Variants in KLHDC4 observed in about 807,000 individuals in gnomAD.
The protein encoded by KLHDC4 is kelch domain containing 4.
Under a neutral mutation model 62.4 loss-of-function variants are expected in KLHDC4, and 90 were observed. That is an observed-to-expected ratio of 1.44 (90% CI 1.22 to 1.72). The LOEUF is 1.72. Among genes scored for constraint, KLHDC4 ranks in the 40% most tolerant of loss-of-function variants. The pLI is 0.00. For missense variants in KLHDC4, 1,025 were observed against 699.7 expected (o/e 1.47, Z -5.25); for synonymous variants, 386 against 284.4 (o/e 1.36, Z -3.59).
intron 7 of KLHDC4, among the ~76,000 whole-genome samples, chr16:87,720,076 A>G (rs1209044552): frequency 6.6e-6 from 1 of 152,150 alleles, no homozygotes; most frequent in Non-Finnish European, 1.5e-5. Flanking sequence ...GCTTTGGCTC[A>G]CCCGGCTGTC....
chr16:87,752,224 T>A (rs949288033), intron 4 of KLHDC4, among the ~76,000 whole-genome samples: 2 of 142,330 alleles, frequency 1.4e-5, no homozygotes, highest in Non-Finnish European at 3.0e-5. Context: ...CTGGGCAATA[T>A]AGCGAGACCC....
chr16:87,715,842 G>A (rs1054898204), intron 7 of KLHDC4, among the ~76,000 whole-genome samples: 1 of 152,176 alleles, frequency 6.6e-6, no homozygotes, highest in African/African-American at 2.4e-5. Flanking sequence ...CTTCGGCCAC[G>A]CTACTGTGGT....
intron 2 of KLHDC4, among the ~76,000 whole-genome samples, chr16:87,760,649 T>G (rs547842107): frequency 1.4e-5 from 2 of 143,416 alleles, no homozygotes; most frequent in Non-Finnish European, 3.0e-5. Flanking sequence ...AAAATAAAAC[T>G]AATCCCCATT....
Position 87,713,867 on chromosome 16 carries a change from C to T in KLHDC4, c.835+631G>A, listed in dbSNP as rs192835670. Among the ~76,000 whole-genome samples, 58 of 152,232 alleles carry T rather than the reference C, an allele frequency of 3.8e-4. No homozygotes were observed. The East Asian group carries it at 0.01, about 26-fold the overall frequency. ...GTAAGAAAATTTTGATTCTTAGATC[C>T]CAGTTTAGCTAAAAGCTTTTAGAAA... On this transcript the variant is annotated intron_variant, in intron 8 of 11. Transcript: ENST00000270583.
intron 5 of KLHDC4, among the ~76,000 whole-genome samples, chr16:87,747,861 G>A (rs770312583): frequency 2.0e-5 from 3 of 152,234 alleles, no homozygotes; most frequent in Admixed American, 1.3e-4. Context: ...CCCTCCGGCT[G>A]AAGCCCCAGG....
intron 8 of KLHDC4, among the ~76,000 whole-genome samples, chr16:87,712,288 A>C (rs1025328879): frequency 6.6e-6 from 1 of 152,050 alleles, no homozygotes; most frequent in African/African-American, 2.4e-5. Context: ...TAAAAAAAAA[A>C]ACAGAAGCAG....
intron 8 of KLHDC4, among the ~76,000 whole-genome samples, chr16:87,712,392 T>C (rs3794671): frequency 0.12 from 18,978 of 152,138 alleles, 1,408 homozygotes; most frequent in South Asian, 0.22. Flanking sequence ...CACCAGCACA[T>C]GACTGTGTGA....
intron 7 of KLHDC4, among the ~76,000 whole-genome samples, chr16:87,716,669 A>G (rs1325184085): frequency 6.6e-6 from 1 of 152,096 alleles, no homozygotes; most frequent in African/African-American, 2.4e-5. Flanking sequence ...GGTGGCTTAC[A>G]CCTGTAATCC....
intron 1 of KLHDC4, among the ~76,000 whole-genome samples, chr16:87,764,646 C>CCAAAAAAAAAAA (rs2046347584): frequency 3.0e-5 from 1 of 33,818 alleles, no homozygotes; most frequent in Non-Finnish European, 5.3e-5. Flanking sequence ...GAAACTCCTT[C>CCAAAAAAAAAAA]AAAAAAAAAA....
exon 1 of KLHDC4, chr16:87,702,295 C>T (rs760548905): frequency 8.8e-6 from 4 of 456,188 alleles, no homozygotes; most frequent in South Asian, 4.6e-5. Context: ...CAAGGAGGGC[C>T]GGTCTGCCGG....
At position 87,713,231 on chromosome 16, in the gene KLHDC4, G is replaced by A. The variant is rs531984072; in HGVS notation, c.835+1267C>T. Among the ~76,000 whole-genome samples the A allele has an allele frequency of 4.0e-5, 6 of 151,022 alleles. No homozygotes were observed. In the South Asian group the frequency reaches 8.4e-4, roughly 21 times the overall value. ...TTTTGTTTTTTTGAGACAGAGTCTC[G>A]CTCTGTCGCCCAGGCTGGAGTGCGG... On this transcript the variant is annotated intron_variant, in intron 8 of 11. Coordinates refer to ENST00000270583, the MANE Select transcript of KLHDC4 (RefSeq NM_017566.4).
At chr16:87,723,163 A>G (rs1050927166) in intron 7 of KLHDC4, among the ~76,000 whole-genome samples, 1 of 152,234 alleles carries the variant, frequency 6.6e-6, no homozygotes, top group Non-Finnish European at 1.5e-5. Context: ...CTGCCGCTTC[A>G]GCCATGGCGC....
At chr16:87,745,872 G>A (rs946968877) in intron 5 of KLHDC4, among the ~76,000 whole-genome samples, 8 of 152,188 alleles carry the variant, frequency 5.3e-5, no homozygotes, top group African/African-American at 1.9e-4. Flanking sequence ...TCTCGTCAGG[G>A]TCTTAACAAC....
In KLHDC4 at chr16:87,765,934, G is replaced by A. The variant is rs1002440351; in HGVS notation, c.-44C>T. 1.8e-5 allele frequency: 27 copies of A among 1,530,290 alleles called. 1 individual carries two copies. The highest frequency in any genetic ancestry group is 1.1e-4 in the African/African-American group (8 of 72,644). The allele number at this position is 1,530,290 out of a possible 1,614,324, so 94.8% of individuals were successfully genotyped here. On this transcript the variant is annotated 5_prime_UTR_variant, in exon 1 of 12. Coordinates refer to ENST00000270583, the MANE Select transcript of KLHDC4 (RefSeq NM_017566.4). The stretch of plus-strand genomic sequence containing the variant: ...GCGACGGGACACCAGGAAAGAAAAC[G>A]GCCCGCGCTCTCCGCTCGGAAACAG...
rs1448168063 is a variant in KLHDC4, at chr16:87,714,593, T to C, written c.760-20A>G. ...AACTCTCTGCAATGGAAAGGAATTG[T>C]GTGAGAACCGGGGGCAGCTACAGTG... On this transcript the variant is annotated intron_variant, in intron 7 of 11. Transcript: ENST00000270583. 1.9e-6 allele frequency: 3 copies of C among 1,613,710 alleles called. No individual in the cohort carries two copies. The highest frequency in any genetic ancestry group is 1.1e-5 in the South Asian group (1 of 91,068).
intron 4 of KLHDC4, among the ~76,000 whole-genome samples, chr16:87,753,916 T>G (rs1313450478): frequency 7.1e-6 from 1 of 140,130 alleles, no homozygotes; most frequent in Non-Finnish European, 1.5e-5. Context: ...GAGGTTGTAG[T>G]GAGATGAGAT....
chr16:87,709,703 T>A (rs1276743708), intron 9 of KLHDC4, 36 bp from the exon 10 acceptor site: 1 of 1,528,444 alleles, frequency 6.5e-7, no homozygotes, highest in East Asian at 2.3e-5. Flanking sequence ...AGCAGCAGCT[T>A]CAGCGAGGCA....
chr16:87,749,943 G>C (rs1200967703), intron 4 of KLHDC4, among the ~76,000 whole-genome samples: 3 of 152,178 alleles, frequency 2.0e-5, no homozygotes, highest in African/African-American at 7.2e-5. Flanking sequence ...AGCGCAGCGG[G>C]AGTGATGCCC....
intron 5 of KLHDC4, among the ~76,000 whole-genome samples, chr16:87,744,769 C>T (rs1040889526): frequency 3.3e-5 from 5 of 151,970 alleles, no homozygotes; most frequent in Non-Finnish European, 7.4e-5. Flanking sequence ...CAGAAAAAAC[C>T]TCAGAAACAA....
Sources: gnomAD v4.1 joint callset for allele counts (sites outside exome capture counted in the v4.1 genomes callset) on GRCh38, gnomAD v4.1.1 for gene constraint, MANE v1.5 for transcripts, NCBI Gene and HGNC (gene_info 2026-07-23, HGNC 2026-07-21) for gene names.